RGS7: variants seen among roughly 807,000 people sequenced by gnomAD.
The protein encoded by RGS7 is regulator of G-protein signaling 7.
Under a neutral mutation model 81.1 loss-of-function variants are expected in RGS7, and 27 were observed. The ratio of observed to expected loss-of-function variants is 0.33; its 90% CI spans 0.25 to 0.46. The LOEUF is 0.46. Ranked by LOEUF, RGS7 falls within the 20% of genes least tolerant of loss-of-function variation. The pLI, the probability that RGS7 is intolerant of heterozygous loss-of-function variation, is 1.00. For synonymous variants in RGS7, 208 were observed against 207.7 expected, an observed-to-expected ratio of 1.00 and a Z score of -0.01; for missense variants, 396 against 607.4, an observed-to-expected ratio of 0.65 and a Z score of 3.66.
chr1:241,104,070 C>G (rs1343298080), intron 2 of RGS7, among the ~76,000 whole-genome samples: 1 of 152,044 alleles, frequency 6.6e-6, no homozygotes, highest in African/African-American at 2.4e-5. Flanking sequence ...CTCAAAGATT[C>G]GGTTATCTCA....
At chr1:240,830,008 C>T (rs566135649) in intron 9 of RGS7, among the ~76,000 whole-genome samples, 4 of 151,996 alleles carry the variant, frequency 2.6e-5, no homozygotes, top group South Asian at 4.2e-4. Flanking sequence ...GGAAGAAACT[C>T]GAAGAAGAAG....
intron 6 of RGS7, among the ~76,000 whole-genome samples, chr1:240,899,056 C>T (rs938513942): frequency 3.9e-5 from 6 of 152,072 alleles, no homozygotes; most frequent in African/African-American, 1.4e-4. Flanking sequence ...TTTGTCTCTT[C>T]TGATCTTTGT....
At chr1:241,328,185 G>C (rs1283857712) in intron 2 of RGS7, among the ~76,000 whole-genome samples, 6 of 152,210 alleles carry the variant, frequency 3.9e-5, no homozygotes, top group Non-Finnish European at 8.8e-5. Flanking sequence ...TTTTTCATAG[G>C]AATCTATTCC....
intron 3 of RGS7, among the ~76,000 whole-genome samples, chr1:241,030,644 C>T (rs142891636): frequency 7.2e-4 from 109 of 152,008 alleles, no homozygotes; most frequent in African/African-American, 2.5e-3. Flanking sequence ...TCATTCTCAT[C>T]TCTCCTGTCG....
intron 2 of RGS7, among the ~76,000 whole-genome samples, chr1:241,220,144 A>G (rs1558201636): frequency 6.6e-6 from 1 of 152,212 alleles, no homozygotes; most frequent in Non-Finnish European, 1.5e-5. Context: ...TTACTTGAAA[A>G]GACCATGGAG....
chr1:241,121,389 T>A (rs1198079476), intron 2 of RGS7, among the ~76,000 whole-genome samples: 1 of 152,174 alleles, frequency 6.6e-6, no homozygotes, highest in African/African-American at 2.4e-5. Flanking sequence ...TATGTATGCA[T>A]CTAGGTTGAG....
intron 2 of RGS7, among the ~76,000 whole-genome samples, chr1:241,203,209 G>A (rs139470711): frequency 9.9e-5 from 15 of 151,982 alleles, no homozygotes; most frequent in East Asian, 7.8e-4. Flanking sequence ...TGGCTGCCAC[G>A]AGACTTACCT....
At chr1:241,310,553 CTT>C (rs112549538) in intron 2 of RGS7, among the ~76,000 whole-genome samples, 24 of 135,756 alleles carry the variant, frequency 1.8e-4, no homozygotes, top group Non-Finnish European at 1.4e-4. Context: ...AGGACTATGT[CTT>C]TTTTTTTTTT....
chr1:241,272,167 G>A, intron 2 of RGS7, among the ~76,000 whole-genome samples: 1 of 151,790 alleles, frequency 6.6e-6, no homozygotes, highest in East Asian at 1.9e-4. Flanking sequence ...CTAATTTTTT[G>A]TATTTTTAGT....
intron 4 of RGS7, among the ~76,000 whole-genome samples, chr1:240,942,507 C>A (rs1049745943): frequency 6.6e-6 from 1 of 152,182 alleles, no homozygotes; most frequent in Admixed American, 6.5e-5. Flanking sequence ...ATTTTTATCA[C>A]TATCATGTTA....
At chr1:241,264,993 G>A (rs545012969) in intron 2 of RGS7, among the ~76,000 whole-genome samples, 1 of 152,308 alleles carries the variant, frequency 6.6e-6, no homozygotes, top group Admixed American at 6.5e-5. Flanking sequence ...AAGAAGTGCA[G>A]GCCCAGTTTC....
intron 3 of RGS7, among the ~76,000 whole-genome samples, chr1:241,029,032 A>C (rs1476524656): frequency 6.6e-6 from 1 of 152,202 alleles, no homozygotes; most frequent in Non-Finnish European, 1.5e-5. Flanking sequence ...GGCAGGCGGG[A>C]GAAATCAATA....
At chr1:240,959,344 A>C (rs1408237316) in intron 4 of RGS7, among the ~76,000 whole-genome samples, 1 of 152,226 alleles carries the variant, frequency 6.6e-6, no homozygotes, top group African/African-American at 2.4e-5. Context: ...ACACAAACCT[A>C]GATGGCACAG....
chr1:241,183,720 G>A (rs923766446), intron 2 of RGS7, among the ~76,000 whole-genome samples: 11 of 152,210 alleles, frequency 7.2e-5, no homozygotes, highest in African/African-American at 2.4e-4. Flanking sequence ...CTGAATTCTA[G>A]TAAGAGAGTA....
intron 6 of RGS7, among the ~76,000 whole-genome samples, chr1:240,911,780 G>T (rs1671790243): frequency 6.6e-6 from 1 of 152,100 alleles, no homozygotes; most frequent in Admixed American, 6.5e-5. Context: ...ATTGTTTTTA[G>T]TCATAGGGCA....
chr1:240,813,478 G>C (rs948997533), intron 13 of RGS7, 140 bp downstream of exon 13: 11 of 680,904 alleles, frequency 1.6e-5, no homozygotes, highest in Non-Finnish European at 3.0e-5. Flanking sequence ...CCATGATCTC[G>C]AACAAGAATG....
intron 2 of RGS7, among the ~76,000 whole-genome samples, chr1:241,211,958 A>T (rs1198311230): frequency 2.0e-5 from 3 of 152,126 alleles, no homozygotes; most frequent in Non-Finnish European, 4.4e-5. Flanking sequence ...ATCATTACTA[A>T]CAATTACATT....
At chr1:240,959,744 A>C (rs1009350934) in intron 4 of RGS7, among the ~76,000 whole-genome samples, 1 of 152,250 alleles carries the variant, frequency 6.6e-6, no homozygotes, top group African/African-American at 2.4e-5. Flanking sequence ...AGATGATAAA[A>C]AATTTCAAAT....
intron 4 of RGS7, among the ~76,000 whole-genome samples, chr1:240,962,077 T>C (rs1681544877): frequency 6.6e-6 from 1 of 152,138 alleles, no homozygotes; most frequent in African/African-American, 2.4e-5. Context: ...TACACACGTA[T>C]GTTCCTTACT....
Sources: gnomAD v4.1 joint callset for allele counts (sites outside exome capture counted in the v4.1 genomes callset) on GRCh38, gnomAD v4.1.1 for gene constraint, MANE v1.5 for transcripts, NCBI Gene and HGNC (gene_info 2026-07-23, HGNC 2026-07-21) for gene names.